Variants in JMJD1C observed in about 807,000 individuals in gnomAD.
JMJD1C encodes the protein jumonji domain containing 1C, also known as jumonji domain-containing protein 1C.
Under a neutral mutation model 245.3 loss-of-function variants are expected in JMJD1C, and 31 were observed. The observed-to-expected ratio is 0.13, with a 90% CI of 0.09 to 0.17. JMJD1C has a LOEUF of 0.17. JMJD1C is among the 10% of genes least tolerant of loss of function. The probability of loss-of-function intolerance (pLI) is 1.00; values close to 1 mark genes in which losing one functional copy is unlikely to be tolerated. For missense variants in JMJD1C, 2,691 were observed against 3,000.2 expected (o/e 0.90, Z 2.41); for synonymous variants, 1,057 against 1,017.4 (o/e 1.04, Z -0.74).
At chr10:63,289,236 A>C (rs1858353918) in intron 2 of JMJD1C, among the ~76,000 whole-genome samples, 1 of 152,250 alleles carries the variant, frequency 6.6e-6, no homozygotes, top group South Asian at 2.1e-4. Context: ...AAATCATTGT[A>C]CTTCTACTCA....
chr10:63,474,370 G>A (rs1953592941), intron 1 of JMJD1C, among the ~76,000 whole-genome samples: 1 of 152,168 alleles, frequency 6.6e-6, no homozygotes, highest in African/African-American at 2.4e-5. Context: ...AGTGTTTTAG[G>A]ATGAGAGAGA....
At chr10:63,489,125 C>T (rs894021562) in intron 1 of JMJD1C, among the ~76,000 whole-genome samples, 1 of 152,092 alleles carries the variant, frequency 6.6e-6, no homozygotes, top group Non-Finnish European at 1.5e-5. Context: ...TGAGGCCGGG[C>T]GCAGTGGCTC....
At chr10:63,363,029 T>G (rs1311694462) in intron 2 of JMJD1C, among the ~76,000 whole-genome samples, 1 of 152,030 alleles carries the variant, frequency 6.6e-6, no homozygotes, top group Non-Finnish European at 1.5e-5. Flanking sequence ...GGGACGTAAC[T>G]GGTTGACATG....
At chr10:63,326,373 C>T (rs1022394895) in intron 2 of JMJD1C, among the ~76,000 whole-genome samples, 5 of 141,834 alleles carry the variant, frequency 3.5e-5, no homozygotes, top group Non-Finnish European at 7.6e-5. Flanking sequence ...GAGCGCAATT[C>T]CATCTCAAAA....
intron 1 of JMJD1C, among the ~76,000 whole-genome samples, chr10:63,390,032 T>A (rs1947929690): frequency 6.6e-6 from 1 of 151,656 alleles, no homozygotes; most frequent in Non-Finnish European, 1.5e-5. Flanking sequence ...AAGAAACAAT[T>A]AAGATCAAGA....
intron 3 of JMJD1C, among the ~76,000 whole-genome samples, chr10:63,244,285 C>T (rs1237783050): frequency 1.3e-5 from 2 of 152,270 alleles, no homozygotes; most frequent in African/African-American, 2.4e-5. Context: ...ACTTTGGGAC[C>T]ACTGCAATTT....
chr10:63,187,446 A>G (rs1844261344), intron 18 of JMJD1C, among the ~76,000 whole-genome samples: 1 of 152,198 alleles, frequency 6.6e-6, no homozygotes, highest in Non-Finnish European at 1.5e-5. Context: ...TGATCTTTTT[A>G]CTTTTTTTGG....
intron 1 of JMJD1C, among the ~76,000 whole-genome samples, chr10:63,403,792 C>T (rs890606383): frequency 3.3e-5 from 5 of 152,038 alleles, no homozygotes; most frequent in African/African-American, 9.7e-5. Flanking sequence ...ACAAAAAGGC[C>T]GGGCGTGGTG....
chr10:63,185,469 C>G, intron 20 of JMJD1C, 94 bp downstream of exon 20: 2 of 760,362 alleles, frequency 2.6e-6, no homozygotes, highest in Middle Eastern at 2.3e-4. Context: ...AAAGAAAAAG[C>G]CTACAGGTCA....
At chr10:63,429,823 C>T (rs1950645414) in intron 1 of JMJD1C, among the ~76,000 whole-genome samples, 1 of 152,130 alleles carries the variant, frequency 6.6e-6, no homozygotes, top group South Asian at 2.1e-4. Context: ...ACTGAATGCT[C>T]CAACAGCATT....
intron 2 of JMJD1C, among the ~76,000 whole-genome samples, chr10:63,276,743 G>C (rs946276908): frequency 6.6e-6 from 1 of 152,010 alleles, no homozygotes; most frequent in Non-Finnish European, 1.5e-5. Flanking sequence ...TTACAGACTT[G>C]AGCCATGGCA....
chr10:63,348,489 T>C (rs1159338708), intron 2 of JMJD1C, among the ~76,000 whole-genome samples: 2 of 152,206 alleles, frequency 1.3e-5, no homozygotes, highest in African/African-American at 2.4e-5. Context: ...TCAGGATAGC[T>C]TAATCCTAGG....
chr10:63,337,321 AG>A (rs1460037750), intron 2 of JMJD1C, among the ~76,000 whole-genome samples: 1 of 150,666 alleles, frequency 6.6e-6, no homozygotes, highest in African/African-American at 2.5e-5. Context: ...ACACGCCTGT[AG>A]TACCAGCTAC....
At chr10:63,423,405 T>C (rs945406412) in intron 1 of JMJD1C, among the ~76,000 whole-genome samples, 2 of 152,344 alleles carry the variant, frequency 1.3e-5, no homozygotes, top group Admixed American at 6.5e-5. Flanking sequence ...TGGAATAATA[T>C]ATCTGTCCTT....
At chr10:63,391,520 ACAACAAC>A (rs1397250831) in intron 1 of JMJD1C, among the ~76,000 whole-genome samples, 2 of 151,772 alleles carry the variant, frequency 1.3e-5, no homozygotes, top group Non-Finnish European at 2.9e-5. Context: ...AACAACAACA[ACAACAAC>A]AACAACAACA....
intron 1 of JMJD1C, among the ~76,000 whole-genome samples, chr10:63,400,491 C>T (rs1422285526): frequency 2.0e-5 from 3 of 152,046 alleles, no homozygotes; most frequent in African/African-American, 4.8e-5. Flanking sequence ...CATTTTTTCC[C>T]GCTTATTTTC....
chr10:63,289,236 A>T (rs1858353918), intron 2 of JMJD1C, among the ~76,000 whole-genome samples: 1 of 152,250 alleles, frequency 6.6e-6, no homozygotes, highest in Non-Finnish European at 1.5e-5. Context: ...AAATCATTGT[A>T]CTTCTACTCA....
intron 3 of JMJD1C, among the ~76,000 whole-genome samples, chr10:63,248,589 C>T (rs1852603007): frequency 6.7e-6 from 1 of 149,408 alleles, no homozygotes; most frequent in African/African-American, 2.5e-5. Flanking sequence ...ATGATGGACA[C>T]TGTTGAATAT....
intron 3 of JMJD1C, among the ~76,000 whole-genome samples, chr10:63,231,203 G>A (rs1849947723): frequency 1.3e-5 from 2 of 152,130 alleles, no homozygotes; most frequent in Admixed American, 1.3e-4. Context: ...AATTAAGCTG[G>A]TAGTACAGGA....
Sources: gnomAD v4.1 joint callset for allele counts (sites outside exome capture counted in the v4.1 genomes callset) on GRCh38, gnomAD v4.1.1 for gene constraint, MANE v1.5 for transcripts, NCBI Gene and HGNC (gene_info 2026-07-23, HGNC 2026-07-21) for gene names.